The following CNGA1 variants were observed in gnomAD, a reference collection of about 807,000 sequenced individuals.
CNGA1 encodes the protein cyclic nucleotide-gated channel alpha-1.
CNGA1 carries 53 observed loss-of-function variants against 69.7 expected under a neutral mutation model. That is an observed-to-expected ratio of 0.76 (90% confidence interval 0.61 to 0.96). The LOEUF (loss-of-function observed/expected upper bound fraction) is 0.96. CNGA1 is among the 40% of genes least tolerant of loss of function. The probability of loss-of-function intolerance (pLI) is 0.00; values close to 1 mark genes in which losing one functional copy is unlikely to be tolerated. For synonymous variants in CNGA1, 249 were observed against 283.5 expected, an observed-to-expected ratio of 0.88 and a Z score of 1.22; for missense variants, 739 against 811.2, an observed-to-expected ratio of 0.91 and a Z score of 1.08.
chr4:47,943,136 C>G (rs1739194504), intron 8 of CNGA1, 45 bp downstream of exon 8: 7 of 1,337,968 alleles, frequency 5.2e-6, no homozygotes, highest in Non-Finnish European at 7.5e-6. Flanking sequence ...GCATCTAAAA[C>G]CCATCACAAT....
chr4:47,963,239 T>G (rs988405359), intron 3 of CNGA1, among the ~76,000 whole-genome samples: 2 of 152,260 alleles, frequency 1.3e-5, no homozygotes, highest in African/African-American at 4.8e-5. Context: ...GCGTGGGCCA[T>G]CACGCCAAGC....
chr4:47,955,996 A>G (rs748378520), intron 3 of CNGA1, among the ~76,000 whole-genome samples: 3 of 152,246 alleles, frequency 2.0e-5, no homozygotes, highest in Non-Finnish European at 2.9e-5. Flanking sequence ...GGCGACAGAT[A>G]TGGTGAATTG....
chr4:47,938,697 C>T (rs1454556900), intron 10 of CNGA1, among the ~76,000 whole-genome samples: 1 of 151,958 alleles, frequency 6.6e-6, no homozygotes, highest in Non-Finnish European at 1.5e-5. Context: ...GGCCCTAAGT[C>T]CATCTTTTGT....
At chr4:47,943,319 A>G (rs576510245) in intron 7 of CNGA1, 31 bp from the exon 8 acceptor site, 17 of 1,541,908 alleles carry the variant, frequency 1.1e-5, no homozygotes, top group Non-Finnish European at 1.4e-5. Flanking sequence ...GTATTAAAAT[A>G]CAGAAATGTT....
intron 3 of CNGA1, among the ~76,000 whole-genome samples, chr4:47,966,346 C>A (rs1297133065): frequency 6.6e-6 from 1 of 152,086 alleles, no homozygotes; most frequent in Admixed American, 6.6e-5. Context: ...TATAAAAGGG[C>A]AGAGAAGATA....
chr4:47,976,733 A>G (rs1741438930), intron 3 of CNGA1, among the ~76,000 whole-genome samples: 1 of 152,216 alleles, frequency 6.6e-6, no homozygotes, highest in South Asian at 2.1e-4. Context: ...TATTTCATTA[A>G]TATTTTTGCT....
intron 2 of CNGA1, among the ~76,000 whole-genome samples, chr4:48,008,431 T>C (rs1715014818): frequency 6.6e-6 from 1 of 152,224 alleles, no homozygotes; most frequent in Non-Finnish European, 1.5e-5. Flanking sequence ...TACCTTGTTT[T>C]GTACACAACC....
At position 47,943,383 on chromosome 4, in the gene CNGA1, T is replaced by G. The variant is rs1398818310; in HGVS notation, c.317A>C (p.Lys106Thr). 2 of 1,515,314 alleles carry G rather than the reference T, an allele frequency of 1.3e-6. No homozygotes were observed. The highest frequency in any genetic ancestry group is 1.8e-6 in the Non-Finnish European group (2 of 1,129,830). 93.9% of individuals were successfully genotyped at this position (1,515,314 alleles called of 1,614,324 possible). A position where few individuals can be genotyped will look rare whatever the true frequency, so the allele number is the denominator to read the frequency against. Residue 106 changes from lysine (K) to threonine (T), a missense_variant, in exon 7 of 11, where the codon AAA (lysine) becomes ACA (threonine). Coordinates refer to ENST00000514170, the MANE Select transcript of CNGA1 (RefSeq NM_001379270.1). The stretch of plus-strand genomic sequence containing the variant: ...GCCAAAGTCTTACCTCTTCTTTTCT[T>G]TTTTCTTTTTCTTTTTTTCTTCTGG... ...QEPEEKKKKK[K>T]EKKSKSDDKN...
chr4:47,940,357 G>A (rs1739001048), intron 10 of CNGA1, among the ~76,000 whole-genome samples: 1 of 152,182 alleles, frequency 6.6e-6, no homozygotes, highest in South Asian at 2.1e-4. Flanking sequence ...TGAGTTATGT[G>A]CATTTTTCCT....
chr4:48,013,627 T>C (rs1715258381), intron 1 of CNGA1, among the ~76,000 whole-genome samples: 1 of 152,082 alleles, frequency 6.6e-6, no homozygotes, highest in African/African-American at 2.4e-5. Flanking sequence ...GAGGTGTGAG[T>C]TTGAATAGAA....
chr4:47,957,518 G>A (rs1298588533), intron 3 of CNGA1, among the ~76,000 whole-genome samples: 2 of 152,110 alleles, frequency 1.3e-5, no homozygotes, highest in African/African-American at 4.8e-5. Flanking sequence ...TACTTGGCAG[G>A]CTGAGGCAGG....
chr4:47,971,893 AAAACAAAC>A (rs112046660), intron 3 of CNGA1, among the ~76,000 whole-genome samples: 1 of 147,440 alleles, frequency 6.8e-6, no homozygotes, highest in Admixed American at 7.1e-5. Flanking sequence ...GACTCTCTGA[AAAACAAAC>A]AAACAAACAA....
intron 10 of CNGA1, among the ~76,000 whole-genome samples, chr4:47,938,715 TTTGGTTCTTGACC>T (rs1306709088): frequency 7.2e-5 from 11 of 151,968 alleles, no homozygotes; most frequent in African/African-American, 2.7e-4. Flanking sequence ...TGTTGTGGTA[TTTGGTTCTTGACC>T]CCAGTTCCTG....
At chr4:47,968,333 T>TA (rs1740836851) in intron 3 of CNGA1, among the ~76,000 whole-genome samples, 2 of 152,008 alleles carry the variant, frequency 1.3e-5, no homozygotes, top group East Asian at 1.9e-4. Flanking sequence ...GAGTTTTTTT[T>TA]AATCTTTTTC....
Position 47,936,782 on chromosome 4 carries a change from G to A in CNGA1, c.1700C>T (p.Ser567Leu), listed in dbSNP as rs1361201357. Residue 567 changes from serine (S) to leucine (L), a missense_variant, in exon 11 of 11, where the codon TCA (serine) becomes TTA (leucine). Transcript: ENST00000514170. Reference protein sequence around the residue: ...RTANIKSIGYSDLFCLSKDDL... With the variant: ...RTANIKSIGYLDLFCLSKDDL... ...ATCTTTTGAGAGACAGAACAGGTCT[G>A]AGTAGCCAATACTTTTAATATTGGC... The A allele has an allele frequency of 3.1e-6, 5 of 1,614,042 alleles. No homozygotes were observed. The highest frequency in any genetic ancestry group is 4.2e-6 in the Non-Finnish European group (5 of 1,180,028).
At chr4:47,952,904 G>A in intron 3 of CNGA1, 1 of 327,472 alleles carries the variant, frequency 3.1e-6, no homozygotes, top group Non-Finnish European at 5.5e-6. Context: ...ATGGCAGAAA[G>A]CAAAGGAGAA....
intron 6 of CNGA1, among the ~76,000 whole-genome samples, chr4:47,946,287 A>C (rs1273856212): frequency 2.6e-5 from 4 of 152,226 alleles, no homozygotes; most frequent in African/African-American, 9.6e-5. Context: ...TAGTAGCCCC[A>C]ATTGCAGCTG....
intron 2 of CNGA1, among the ~76,000 whole-genome samples, chr4:48,008,184 T>G (rs572936443): frequency 7.2e-5 from 11 of 151,950 alleles, no homozygotes; most frequent in South Asian, 4.1e-4. Flanking sequence ...AGTTTTGGGG[T>G]TTTTTTTAAA....
intron 6 of CNGA1, among the ~76,000 whole-genome samples, chr4:47,947,242 A>T (rs1739450673): frequency 6.6e-6 from 1 of 152,164 alleles, no homozygotes; most frequent in South Asian, 2.1e-4. Context: ...TAGATGGGTC[A>T]GTTTAGAATG....
Sources: allele counts gnomAD v4.1 joint callset (sites outside exome capture counted in the v4.1 genomes callset), GRCh38; gene constraint gnomAD v4.1.1; transcripts MANE v1.5; gene names NCBI Gene and HGNC (gene_info 2026-07-23, HGNC 2026-07-21).